Variants in OPCML observed in about 807,000 individuals in gnomAD.
The protein encoded by OPCML is opioid-binding protein/cell adhesion molecule.
Under a neutral mutation model 37.8 loss-of-function variants are expected in OPCML, and 13 were observed. The observed-to-expected ratio is 0.34, with a 90% CI of 0.22 to 0.55. The LOEUF (loss-of-function observed/expected upper bound fraction) is 0.55. Among genes scored for constraint, OPCML ranks in the 20% least tolerant of loss-of-function variants. The probability of loss-of-function intolerance (pLI) is 0.91; values close to 1 mark genes in which losing one functional copy is unlikely to be tolerated. For missense variants in OPCML, 341 were observed against 435.6 expected, an observed-to-expected ratio of 0.78 and a Z score of 1.93; for synonymous variants, 176 against 168.8, an observed-to-expected ratio of 1.04 and a Z score of -0.33.
rs151247554 is a variant in OPCML at position 133,092,850 on chromosome 11, AAGAGAGAGAG to A, written c.62-149850_62-149841del. 3.6e-4 allele frequency among the ~76,000 whole-genome samples: 54 copies of A among 150,050 alleles called. 1 individual carries two copies. The highest frequency in any genetic ancestry group is 1.3e-3 in the African/African-American group (52 of 41,060). ...GAAAGAGAAAGGAGAGAGACAGAGA[AAGAGAGAGAG>A]AGAGAGAGGATTTCTGGCAACAGCA... is the stretch of plus-strand genomic sequence containing the variant. On this transcript the variant is annotated intron_variant, in intron 1 of 7. Transcript: ENST00000524381.
rs370123644 is a variant in OPCML, at chr11:133,193,331, A to G, written c.62-250321T>C. Among the ~76,000 whole-genome samples the G allele has an allele frequency of 1.6e-4, 25 of 152,342 alleles. No individual in the cohort carries two copies. The South Asian group carries it at 4.8e-3, about 29-fold the overall frequency. ...GAGTGAGTAAAAGCATCTCCCGCAA[A>G]GAACTGAGCTGGGCTTTGTTTAAGT... is the stretch of plus-strand genomic sequence containing the variant. On this transcript the variant is annotated intron_variant, in intron 1 of 7. Transcript: ENST00000524381.
chr11:132,957,461 G>A (rs1945997034), intron 1 of OPCML, among the ~76,000 whole-genome samples: 2 of 152,178 alleles, frequency 1.3e-5, no homozygotes, highest in African/African-American at 4.8e-5. Flanking sequence ...TCCCAAGACA[G>A]AGGTAGAGAT....
intron 2 of OPCML, among the ~76,000 whole-genome samples, chr11:132,726,474 G>T (rs528863344): frequency 5.8e-4 from 88 of 151,468 alleles, no homozygotes; most frequent in African/African-American, 2.1e-3. Context: ...TTCAAGATGA[G>T]ATTTAGGTAG....
chr11:132,910,661 C>T (rs550502050), intron 2 of OPCML, among the ~76,000 whole-genome samples: 1 of 152,164 alleles, frequency 6.6e-6, no homozygotes, highest in Non-Finnish European at 1.5e-5. Context: ...TTTCTTCTTA[C>T]AAGTATTTCC....
intron 1 of OPCML, among the ~76,000 whole-genome samples, chr11:133,141,104 A>AAGAAGAAGCAGC (rs1565469412): frequency 7.4e-6 from 1 of 135,184 alleles, no homozygotes; most frequent in African/African-American, 2.7e-5. Context: ...GGAGAAGAAG[A>AAGAAGAAGCAGC]AGCAGCTGAA....
chr11:132,683,841 A>C (rs2135862017), intron 2 of OPCML, among the ~76,000 whole-genome samples: 1 of 152,192 alleles, frequency 6.6e-6, no homozygotes. Context: ...GCTCTGAGTG[A>C]GTTTTGCCCT....
At chr11:132,792,048 G>A (rs948416961) in intron 2 of OPCML, among the ~76,000 whole-genome samples, 2 of 152,236 alleles carry the variant, frequency 1.3e-5, no homozygotes, top group African/African-American at 4.8e-5. Context: ...ATCAGAGAAC[G>A]CTGTGTCTCT....
chr11:133,343,047 T>G (rs1241990604), intron 1 of OPCML, among the ~76,000 whole-genome samples: 1 of 152,186 alleles, frequency 6.6e-6, no homozygotes, highest in Non-Finnish European at 1.5e-5. Context: ...CAGGCTGGCC[T>G]TGACCTCCTA....
chr11:133,228,932 C>A (rs972821234), intron 1 of OPCML, among the ~76,000 whole-genome samples: 2 of 152,198 alleles, frequency 1.3e-5, no homozygotes, highest in African/African-American at 4.8e-5. Context: ...TTTTTATGTG[C>A]TGAGGTCTCA....
chr11:132,875,769 T>C (rs1026557617), intron 2 of OPCML, among the ~76,000 whole-genome samples: 2 of 152,084 alleles, frequency 1.3e-5, no homozygotes, highest in African/African-American at 4.8e-5. Flanking sequence ...AGCCTACCCA[T>C]CTAATATTTA....
At chr11:133,006,126 G>A (rs1037772503) in intron 1 of OPCML, 2 of 985,194 alleles carry the variant, frequency 2.0e-6, no homozygotes. Flanking sequence ...AGACAGCCAG[G>A]TGGGAGGAGA....
chr11:133,050,719 CCT>C (rs1948113822), intron 1 of OPCML, among the ~76,000 whole-genome samples: 2 of 52,522 alleles, frequency 3.8e-5, no homozygotes, highest in African/African-American at 1.3e-4. Flanking sequence ...TCTTCTTCTT[CCT>C]TTTTTTTTTT....
chr11:132,935,558 C>A (rs369212835), intron 2 of OPCML, among the ~76,000 whole-genome samples: 1 of 152,108 alleles, frequency 6.6e-6, no homozygotes, highest in African/African-American at 2.4e-5. Flanking sequence ...TATTCAAAAC[C>A]AATTTCTAAA....
At chr11:133,393,314 G>A (rs1396903710) in intron 1 of OPCML, among the ~76,000 whole-genome samples, 1 of 152,188 alleles carries the variant, frequency 6.6e-6, no homozygotes, top group Non-Finnish European at 1.5e-5. Context: ...AGACAAAAAT[G>A]TTGTGATCAG....
chr11:132,961,381 CAAAT>C (rs1822197112), intron 1 of OPCML, among the ~76,000 whole-genome samples: 2 of 152,114 alleles, frequency 1.3e-5, no homozygotes, highest in African/African-American at 4.8e-5. Flanking sequence ...AAGATATAAA[CAAAT>C]AGTGTATAGA....
intron 1 of OPCML, among the ~76,000 whole-genome samples, chr11:133,261,178 A>C (rs1360849166): frequency 6.6e-6 from 1 of 152,218 alleles, no homozygotes; most frequent in Non-Finnish European, 1.5e-5. Context: ...ACTGCACAGA[A>C]AGCTTTTGGG....
intron 2 of OPCML, among the ~76,000 whole-genome samples, chr11:132,859,036 T>G (rs1364033595): frequency 6.6e-6 from 1 of 152,210 alleles, no homozygotes; most frequent in Non-Finnish European, 1.5e-5. Flanking sequence ...TTCTCTCAGT[T>G]GGACTTCTCT....
At chr11:132,816,365 A>C (rs530488790) in intron 2 of OPCML, among the ~76,000 whole-genome samples, 1 of 152,342 alleles carries the variant, frequency 6.6e-6, no homozygotes, top group East Asian at 1.9e-4. Flanking sequence ...TCTCCGAGGC[A>C]TTATGTAAGT....
intron 1 of OPCML, among the ~76,000 whole-genome samples, chr11:133,294,555 G>A (rs2136547413): frequency 6.6e-6 from 1 of 152,034 alleles, no homozygotes; most frequent in East Asian, 1.9e-4. Context: ...CTTCATTGAT[G>A]AAGAAGATGG....
Sources: gnomAD v4.1 joint callset for allele counts (sites outside exome capture counted in the v4.1 genomes callset) on GRCh38, gnomAD v4.1.1 for gene constraint, MANE v1.5 for transcripts, NCBI Gene and HGNC (gene_info 2026-07-23, HGNC 2026-07-21) for gene names.